The following TBC1D22A variants were observed in gnomAD, a reference collection of about 807,000 sequenced individuals.
The protein encoded by TBC1D22A is TBC1 domain family member 22A.
TBC1D22A carries 38 observed loss-of-function variants against 60.2 expected under a neutral mutation model. That is an observed-to-expected ratio of 0.63 (90% CI 0.49 to 0.83). The LOEUF is 0.83. Ranked by LOEUF, TBC1D22A falls within the 40% of genes least tolerant of loss-of-function variation. The pLI, the probability that TBC1D22A is intolerant of heterozygous loss-of-function variation, is 0.00. For missense variants in TBC1D22A, 628 were observed against 701.0 expected, an observed-to-expected ratio of 0.90 and a Z score of 1.18; for synonymous variants, 302 against 281.7, an observed-to-expected ratio of 1.07 and a Z score of -0.72.
chr22:47,119,560 G>A (rs577064008), intron 12 of TBC1D22A, among the ~76,000 whole-genome samples: 1 of 151,648 alleles, frequency 6.6e-6, no homozygotes, highest in Non-Finnish European at 1.5e-5. Context: ...ACAGTGGGGC[G>A]ATCTCGGCTC....
At chr22:46,766,929 G>A (rs2083309059) in intron 1 of TBC1D22A, among the ~76,000 whole-genome samples, 1 of 152,128 alleles carries the variant, frequency 6.6e-6, no homozygotes, top group Non-Finnish European at 1.5e-5. Context: ...GTTCTCCCTG[G>A]TATGTGCTTG....
intron 4 of TBC1D22A, among the ~76,000 whole-genome samples, chr22:46,846,712 G>A (rs993921203): frequency 2.0e-5 from 3 of 151,102 alleles, no homozygotes; most frequent in Non-Finnish European, 4.4e-5. Context: ...ATCTTCACCC[G>A]GATTCGGCGG....
intron 11 of TBC1D22A, among the ~76,000 whole-genome samples, chr22:47,039,670 G>T (rs1331656637): frequency 6.8e-6 from 1 of 147,586 alleles, no homozygotes; most frequent in Non-Finnish European, 1.5e-5. Context: ...TCCCCCAGGG[G>T]TCGCGTGCTC....
At chr22:46,924,428 T>G (rs758246168) in intron 8 of TBC1D22A, among the ~76,000 whole-genome samples, 21 of 152,246 alleles carry the variant, frequency 1.4e-4, no homozygotes, top group Non-Finnish European at 2.4e-4. Flanking sequence ...TGCAATGGGA[T>G]TAGAATAAAT....
At chr22:46,840,536 C>T (rs1457653889) in intron 4 of TBC1D22A, among the ~76,000 whole-genome samples, 1 of 152,086 alleles carries the variant, frequency 6.6e-6, no homozygotes, top group Non-Finnish European at 1.5e-5. Flanking sequence ...AGTTTGAGAC[C>T]AGCCTGGCCA....
intron 4 of TBC1D22A, among the ~76,000 whole-genome samples, chr22:46,823,829 G>A (rs1159093910): frequency 6.6e-6 from 1 of 152,198 alleles, no homozygotes; most frequent in Admixed American, 6.5e-5. Flanking sequence ...GGAGCCGGGA[G>A]TGCGGCCGTG....
chr22:46,816,631 A>G (rs1456337882), intron 4 of TBC1D22A, among the ~76,000 whole-genome samples: 1 of 152,132 alleles, frequency 6.6e-6, no homozygotes, highest in Non-Finnish European at 1.5e-5. Flanking sequence ...CAGGGAAGTT[A>G]GCCACGTGGT....
intron 11 of TBC1D22A, among the ~76,000 whole-genome samples, chr22:47,091,211 AT>A (rs1281533502): frequency 7.4e-6 from 1 of 136,042 alleles, no homozygotes; most frequent in Non-Finnish European, 1.5e-5. Context: ...CTGCGTGTTG[AT>A]AGAGACAGGC....
At chr22:46,812,789 T>C (rs1053414694) in intron 4 of TBC1D22A, among the ~76,000 whole-genome samples, 1 of 152,256 alleles carries the variant, frequency 6.6e-6, no homozygotes, top group African/African-American at 2.4e-5. Flanking sequence ...GCTATTCAGT[T>C]GACAAGAAAA....
At chr22:46,816,243 G>T (rs1009424971) in intron 4 of TBC1D22A, among the ~76,000 whole-genome samples, 11 of 152,310 alleles carry the variant, frequency 7.2e-5, no homozygotes, top group Non-Finnish European at 1.5e-4. Context: ...TGTGGCCCAT[G>T]TGCCTCGTTC....
intron 4 of TBC1D22A, among the ~76,000 whole-genome samples, chr22:46,839,279 A>G (rs2086649731): frequency 6.6e-6 from 1 of 152,022 alleles, no homozygotes. Flanking sequence ...TTTGGTGTGA[A>G]TGTAACCAAG....
chr22:46,836,994 TAA>T (rs34771491), intron 4 of TBC1D22A, among the ~76,000 whole-genome samples: 24 of 134,876 alleles, frequency 1.8e-4, no homozygotes, highest in Admixed American at 3.7e-4. Context: ...TCTTGTCTCC[TAA>T]AAAAAAAAAA....
At chr22:47,112,513 C>T (rs1264795271) in intron 12 of TBC1D22A, among the ~76,000 whole-genome samples, 1 of 152,200 alleles carries the variant, frequency 6.6e-6, no homozygotes, top group African/African-American at 2.4e-5. Context: ...TTGGCAGAGG[C>T]TCCAAGCATC....
chr22:46,882,654 C>T (rs759843052), intron 5 of TBC1D22A, among the ~76,000 whole-genome samples: 2 of 152,128 alleles, frequency 1.3e-5, no homozygotes, highest in Admixed American at 6.5e-5. Context: ...TGGGAGGGTT[C>T]GGGTGAGCAG....
chr22:46,903,068 TTTCCTGGCCCGGTTGGGCCGTGGATC>T (rs1180594535), intron 7 of TBC1D22A, among the ~76,000 whole-genome samples: 2 of 152,210 alleles, frequency 1.3e-5, no homozygotes, highest in African/African-American at 4.8e-5. Context: ...ATTTCTTCTA[TTTCCTGGCCCGGTTGGGCCGTGGATC>T]TCTCCCTGGT....
rs763383260 is a variant in TBC1D22A at position 46,796,108 on chromosome 22, A to G, written c.461-1336A>G. On this transcript the variant is annotated intron_variant, in intron 3 of 12. Coordinates refer to ENST00000337137, the MANE Select transcript of TBC1D22A (RefSeq NM_014346.5). ...CTGCTACAAAATAGGAATCACTGCA[A>G]GGGCACTGAGGCTGGTGGGAGGAGA... is the stretch of plus-strand genomic sequence containing the variant. Among the ~76,000 whole-genome samples, 44 of 151,128 alleles carry G rather than the reference A, an allele frequency of 2.9e-4. 1 individual carries two copies. Among genetic ancestry groups the G allele is most frequent in the Admixed American group, 2.5e-3 (38 of 15,204 alleles).
chr22:47,162,764 T>C (rs1280057431), intron 12 of TBC1D22A, among the ~76,000 whole-genome samples: 1 of 137,430 alleles, frequency 7.3e-6, no homozygotes, highest in Non-Finnish European at 1.5e-5. Context: ...GTCGGGGGAG[T>C]GGGACTGCGG....
chr22:46,794,493 G>A lies in TBC1D22A; in HGVS notation c.460+652G>A, dbSNP rs765260528. The stretch of plus-strand genomic sequence containing the variant: ...CTCTTTATGTGTTGCAGGCCATCAC[G>A]TCTGTGATGGAAAAGCTGCATGGTT... On this transcript the variant is annotated intron_variant, in intron 3 of 12. Coordinates refer to ENST00000337137, the MANE Select transcript of TBC1D22A (RefSeq NM_014346.5). 2.6e-4 allele frequency among the ~76,000 whole-genome samples: 39 copies of A among 152,200 alleles called. 1 individual carries two copies. The highest frequency in any genetic ancestry group is 1.9e-4 in the Non-Finnish European group (13 of 68,038).
rs184039280 is a variant in TBC1D22A, at chr22:46,987,561, A to G, written c.1126-10073A>G. On this transcript the variant is annotated intron_variant, in intron 9 of 12. Transcript: ENST00000337137. ...GCCACACAAGTTTTTTGCTTTCTCA[A>G]TGCATATAAAAGTTATATTATACTT... is the stretch of plus-strand genomic sequence containing the variant. Among the ~76,000 whole-genome samples the G allele has an allele frequency of 4.9e-4, 75 of 152,332 alleles. 1 individual carries two copies. In the East Asian group the frequency reaches 0.011, roughly 22 times the overall value.
Sources: gnomAD v4.1 joint callset for allele counts (sites outside exome capture counted in the v4.1 genomes callset) on GRCh38, gnomAD v4.1.1 for gene constraint, MANE v1.5 for transcripts, NCBI Gene and HGNC (gene_info 2026-07-23, HGNC 2026-07-21) for gene names.